ATP2B2: variants seen among roughly 807,000 people sequenced by gnomAD.
The protein encoded by ATP2B2 is plasma membrane calcium-transporting ATPase 2.
ATP2B2 carries 15 observed loss-of-function variants against 120.0 expected under a neutral mutation model. The ratio of observed to expected loss-of-function variants is 0.12; its 90% confidence interval spans 0.08 to 0.19. ATP2B2 has a LOEUF of 0.19. Ranked by LOEUF, ATP2B2 falls within the 10% of genes least tolerant of loss-of-function variation. The pLI is 1.00. For missense variants in ATP2B2, 1,045 were observed against 1,719.8 expected (o/e 0.61, Z 6.94); for synonymous variants, 694 against 700.3 (o/e 0.99, Z 0.14).
intron 14 of ATP2B2, among the ~76,000 whole-genome samples, chr3:10,351,826 G>A (rs929867469): frequency 6.6e-6 from 1 of 152,200 alleles, no homozygotes; most frequent in African/African-American, 2.4e-5. Flanking sequence ...ACACTCCAAG[G>A]AGGCCAAAGG....
chr3:10,421,478 G>C (rs59250362), intron 2 of ATP2B2, among the ~76,000 whole-genome samples: 112 of 152,320 alleles, frequency 7.4e-4, no homozygotes, highest in African/African-American at 2.6e-3. Flanking sequence ...AGAACACTCT[G>C]ACCCTTTGTC....
At chr3:10,357,071 A>T (rs1292378016) in intron 14 of ATP2B2, among the ~76,000 whole-genome samples, 1 of 152,058 alleles carries the variant, frequency 6.6e-6, no homozygotes, top group African/African-American at 2.4e-5. Context: ...GCAAACACTC[A>T]TTGAACACCT....
intron 1 of ATP2B2, among the ~76,000 whole-genome samples, chr3:10,624,790 A>C (rs1262081192): frequency 6.6e-6 from 1 of 152,232 alleles, no homozygotes; most frequent in Admixed American, 6.5e-5. Context: ...ACTAAAGAGG[A>C]AAAGCACTTT....
At chr3:10,337,600 C>T (rs1394417959) in intron 22 of ATP2B2, among the ~76,000 whole-genome samples, 1 of 152,142 alleles carries the variant, frequency 6.6e-6, no homozygotes, top group African/African-American at 2.4e-5. Context: ...CTGGCTACGC[C>T]CTGCACCTGT....
chr3:10,363,565 G>A (rs2060960645), intron 12 of ATP2B2, among the ~76,000 whole-genome samples: 1 of 152,168 alleles, frequency 6.6e-6, no homozygotes, highest in Non-Finnish European at 1.5e-5. Flanking sequence ...GACAATTCGT[G>A]CTCTTGTTTT....
At chr3:10,676,649 G>A (rs548314222) in intron 1 of ATP2B2, among the ~76,000 whole-genome samples, 37 of 152,230 alleles carry the variant, frequency 2.4e-4, no homozygotes, top group Non-Finnish European at 4.3e-4. Context: ...CCAATAAACA[G>A]AATGGCTCTT....
At chr3:10,699,293 T>C (rs996642550) in intron 1 of ATP2B2, among the ~76,000 whole-genome samples, 7 of 152,164 alleles carry the variant, frequency 4.6e-5, no homozygotes, top group African/African-American at 9.7e-5. Context: ...TTGTCTATAA[T>C]AGCAAAATTC....
intron 1 of ATP2B2, among the ~76,000 whole-genome samples, chr3:10,686,237 C>T (rs2071520110): frequency 6.6e-6 from 1 of 152,090 alleles, no homozygotes; most frequent in African/African-American, 2.4e-5. Context: ...CAAGAGATCA[C>T]TCAAACTCTA....
At chr3:10,388,746 G>A (rs535192768) in intron 5 of ATP2B2, among the ~76,000 whole-genome samples, 9 of 152,302 alleles carry the variant, frequency 5.9e-5, no homozygotes, top group Non-Finnish European at 1.5e-5. Flanking sequence ...AACTCCAGGA[G>A]TGTTATCAGT....
chr3:10,437,648 T>C (rs781743482), intron 2 of ATP2B2, among the ~76,000 whole-genome samples: 6 of 152,232 alleles, frequency 3.9e-5, no homozygotes, highest in Admixed American at 6.5e-5. Context: ...AAGCGAAAGC[T>C]TCAGTTCTGA....
rs749836763 is a variant in ATP2B2, at chr3:10,379,259, G to A, written c.1026C>T (p.Asp342=). ...AAGGGTTACCTTTGCTCTGGCTGGC[G>A]TCCACATTGCCATCCTGCATTTTAC... ...VNGKMQDGNV[D]ASQSKAKQQD... Residue 342 remains aspartate, a synonymous_variant, in exon 9 of 23, where the codon GAC becomes GAT. Coordinates refer to ENST00000360273, the MANE Select transcript of ATP2B2 (RefSeq NM_001001331.4). 14 of 1,613,678 alleles carry A rather than the reference G, an allele frequency of 8.7e-6. No individual in the cohort carries two copies. The highest frequency in any genetic ancestry group is 1.6e-4 in the Middle Eastern group (1 of 6,082).
intron 2 of ATP2B2, among the ~76,000 whole-genome samples, chr3:10,445,516 G>C (rs551824689): frequency 6.6e-6 from 1 of 152,218 alleles, no homozygotes; most frequent in Non-Finnish European, 1.5e-5. Flanking sequence ...AGCCTCACAG[G>C]GGGGCAGGTT....
chr3:10,558,099 A>C (rs767787194), intron 2 of ATP2B2, among the ~76,000 whole-genome samples: 6 of 152,226 alleles, frequency 3.9e-5, no homozygotes, highest in Non-Finnish European at 5.9e-5. Flanking sequence ...CTTATTCTCC[A>C]TATAGATGCC....
chr3:10,492,615 G>A (rs902676497), intron 1 of ATP2B2, among the ~76,000 whole-genome samples: 1 of 152,166 alleles, frequency 6.6e-6, no homozygotes, highest in Non-Finnish European at 1.5e-5. Flanking sequence ...TGCCACGGGA[G>A]ACTGTGAATT....
At chr3:10,366,700 C>T (rs902437381) in intron 12 of ATP2B2, among the ~76,000 whole-genome samples, 16 of 152,098 alleles carry the variant, frequency 1.1e-4, no homozygotes, top group African/African-American at 3.6e-4. Context: ...CCCAAGGAAG[C>T]GTGGTGCCTC....
chr3:10,608,928 G>A (rs1427855529), intron 2 of ATP2B2, among the ~76,000 whole-genome samples: 1 of 152,200 alleles, frequency 6.6e-6, no homozygotes, highest in East Asian at 1.9e-4. Context: ...GGTAAAAAAT[G>A]AGGGAAAGAG....
At chr3:10,629,072 C>T (rs2069789411) in intron 1 of ATP2B2, among the ~76,000 whole-genome samples, 1 of 152,206 alleles carries the variant, frequency 6.6e-6, no homozygotes, top group Admixed American at 6.5e-5. Context: ...ACAGCCGGGC[C>T]TTCTGGGCTG....
intron 3 of ATP2B2, among the ~76,000 whole-genome samples, chr3:10,525,296 G>T (rs1189531717): frequency 6.6e-6 from 1 of 152,208 alleles, no homozygotes; most frequent in Non-Finnish European, 1.5e-5. Flanking sequence ...GCTGCTGTGG[G>T]GCCCTGAGTA....
At chr3:10,619,538 T>C (rs2069488813) in intron 2 of ATP2B2, among the ~76,000 whole-genome samples, 1 of 152,134 alleles carries the variant, frequency 6.6e-6, no homozygotes, top group African/African-American at 2.4e-5. Flanking sequence ...AAAAGGACAT[T>C]TAGTAAGCCA....
Sources: gnomAD v4.1 joint callset for allele counts (sites outside exome capture counted in the v4.1 genomes callset) on GRCh38, gnomAD v4.1.1 for gene constraint, MANE v1.5 for transcripts, NCBI Gene and HGNC (gene_info 2026-07-23, HGNC 2026-07-21) for gene names.